Variants in TMPRSS15 observed in about 807,000 individuals in gnomAD.
TMPRSS15 encodes transmembrane serine protease 15, also known as enteropeptidase.
TMPRSS15 carries 128 observed loss-of-function variants against 125.3 expected under a neutral mutation model. That is an observed-to-expected ratio of 1.02 (90% CI 0.89 to 1.18). The LOEUF is 1.18. Among genes scored for constraint, TMPRSS15 ranks in the 50% most tolerant of loss-of-function variants. TMPRSS15 has a pLI of 0.00. For synonymous variants in TMPRSS15, 446 were observed against 423.2 expected (o/e 1.05, Z -0.66); for missense variants, 1,283 against 1,212.7 (o/e 1.06, Z -0.86).
At chr21:18,343,434 C>A in intron 12 of TMPRSS15, 72 bp downstream of exon 12, 6 of 1,335,124 alleles carry the variant, frequency 4.5e-6, no homozygotes. Context: ...AATTTTTTCA[C>A]TGTATCATTC....
At chr21:18,419,621 T>C (rs987155717) in intron 1 of TMPRSS15, among the ~76,000 whole-genome samples, 2 of 152,166 alleles carry the variant, frequency 1.3e-5, no homozygotes, top group Non-Finnish European at 2.9e-5. Flanking sequence ...ATTGCAATTC[T>C]TGCTTTCCTC....
At chr21:18,437,766 C>G (rs1459588494) in intron 1 of TMPRSS15, among the ~76,000 whole-genome samples, 1 of 152,114 alleles carries the variant, frequency 6.6e-6, no homozygotes, top group Non-Finnish European at 1.5e-5. Context: ...CGAATCAAAA[C>G]CACAATGAGA....
At chr21:18,433,271 T>C (rs2076220153) in intron 1 of TMPRSS15, among the ~76,000 whole-genome samples, 1 of 152,080 alleles carries the variant, frequency 6.6e-6, no homozygotes, top group Admixed American at 6.6e-5. Flanking sequence ...TGAGAATAAC[T>C]CAGGAACAGC....
At chr21:18,471,992 T>C (rs572578884) in intron 1 of TMPRSS15, among the ~76,000 whole-genome samples, 1 of 152,200 alleles carries the variant, frequency 6.6e-6, no homozygotes, top group African/African-American at 2.4e-5. Flanking sequence ...GCAAACTGAT[T>C]AAATGGAAAG....
rs80175169 is a variant in TMPRSS15 at position 18,482,985 on chromosome 21, T to A, written c.10+2814A>T. ...TGCTTCCATTCTTTTAGATTATTGTTAAATTACTGGGTCCCAGGTGCAAGG... is the reference window on the plus strand; with the variant it reads ...TGCTTCCATTCTTTTAGATTATTGTAAAATTACTGGGTCCCAGGTGCAAGG... On this transcript the variant is annotated intron_variant, in intron 1 of 7. Transcript: ENST00000422787. Among the ~76,000 whole-genome samples the A allele has an allele frequency of 3.8e-3, 577 of 151,888 alleles. 6 individuals carry two copies. Among genetic ancestry groups the A allele is most frequent in the African/African-American group, 0.013 (547 of 41,508 alleles).
chr21:18,344,075 A>G lies in TMPRSS15; in HGVS notation c.1172-15T>C, dbSNP rs755723716. 2.5e-6 allele frequency: 4 copies of G among 1,599,540 alleles called. No homozygotes were observed. In the African/African-American group the frequency reaches 4.0e-5, roughly 16 times the overall value. On this transcript the variant is annotated splice_polypyrimidine_tract_variant and intron_variant, in intron 10 of 24. Transcript: ENST00000284885. ...AATGTAAAATCCTGTAAAAATATCA[A>G]AAAAAATTTATTTCACTTAAATATT...
intron 7 of TMPRSS15, among the ~76,000 whole-genome samples, 166 bp downstream of exon 7, chr21:18,364,974 G>A (rs1240511806): frequency 6.6e-6 from 1 of 152,132 alleles, no homozygotes; most frequent in Non-Finnish European, 1.5e-5. Context: ...TTTTTAAAAG[G>A]TTAAAAATGA....
At chr21:18,474,163 G>T (rs953564200) in intron 1 of TMPRSS15, among the ~76,000 whole-genome samples, 4 of 151,912 alleles carry the variant, frequency 2.6e-5, no homozygotes, top group Non-Finnish European at 4.4e-5. Flanking sequence ...ATCTCTGTAT[G>T]TGGGTATTCC....
chr21:18,398,423 G>T (rs975004472), intron 1 of TMPRSS15, 94 bp from the exon 2 acceptor site: 2 of 1,314,900 alleles, frequency 1.5e-6, no homozygotes, highest in Non-Finnish European at 2.2e-6. Flanking sequence ...TAAAGCTCTC[G>T]CCTGATGTGT....
rs2074528095 is a variant in TMPRSS15 at position 18,269,488 on chromosome 21, G to T, written c.*481C>A. On this transcript the variant is annotated 3_prime_UTR_variant, in exon 25 of 25. Transcript: ENST00000284885. ...ATATGTTGAAAATTTTGATAGAAAA[G>T]ACAGAGAAACAATTGAGTTTCTGCT... 1 of 157,470 alleles carries T rather than the reference G, an allele frequency of 6.4e-6. No individual in the cohort carries two copies. The highest frequency in any genetic ancestry group is 2.4e-5 in the African/African-American group (1 of 41,458). The allele number at this position is 157,470 out of a possible 1,614,324, so 9.8% of individuals were successfully genotyped here.
intron 1 of TMPRSS15, among the ~76,000 whole-genome samples, chr21:18,418,899 G>A (rs1170447258): frequency 6.6e-6 from 1 of 152,244 alleles, no homozygotes; most frequent in Non-Finnish European, 1.5e-5. Flanking sequence ...TTATGGGATT[G>A]CCTCATTAAA....
intron 3 of TMPRSS15, among the ~76,000 whole-genome samples, chr21:18,387,610 C>T (rs1430191600): frequency 1.0e-5 from 1 of 98,928 alleles, no homozygotes; most frequent in Non-Finnish European, 2.0e-5. Flanking sequence ...CACACACACA[C>T]ATACACACAC....
At chr21:18,334,458 G>C (rs2075372916) in intron 13 of TMPRSS15, among the ~76,000 whole-genome samples, 1 of 152,134 alleles carries the variant, frequency 6.6e-6, no homozygotes, top group African/African-American at 2.4e-5. Flanking sequence ...GGATTTGTTG[G>C]AGCTGGTGGA....
At chr21:18,453,199 G>GA (rs1254897936) in intron 1 of TMPRSS15, among the ~76,000 whole-genome samples, 10 of 152,138 alleles carry the variant, frequency 6.6e-5, no homozygotes, top group South Asian at 6.2e-4. Flanking sequence ...CCTCTAAGTT[G>GA]AAAACTACCA....
intron 1 of TMPRSS15, among the ~76,000 whole-genome samples, chr21:18,471,130 A>G (rs536003934): frequency 1.3e-5 from 2 of 152,186 alleles, no homozygotes; most frequent in East Asian, 3.9e-4. Context: ...CCAAAGGCAG[A>G]AATTTGGGGT....
intron 1 of TMPRSS15, among the ~76,000 whole-genome samples, chr21:18,424,631 T>A (rs1303571826): frequency 1.3e-5 from 2 of 152,132 alleles, no homozygotes; most frequent in Non-Finnish European, 2.9e-5. Flanking sequence ...TAATGCCAAC[T>A]CTGCAGATTC....
At chr21:18,423,607 C>T (rs1246463353) in intron 1 of TMPRSS15, among the ~76,000 whole-genome samples, 1 of 150,544 alleles carries the variant, frequency 6.6e-6, no homozygotes, top group Non-Finnish European at 1.5e-5. Flanking sequence ...TTAGTAGAGA[C>T]GGGGTTTCAC....
rs2074521617 is a variant in TMPRSS15, at chr21:18,269,125, T to C, written c.*844A>G. 1 of 152,218 alleles carries C rather than the reference T, an allele frequency of 6.6e-6. No individual in the cohort carries two copies. The highest frequency in any genetic ancestry group is 2.1e-4 in the South Asian group (1 of 4,834). The allele number at this position is 152,218 out of a possible 1,614,324, so 9.4% of individuals were successfully genotyped here. On this transcript the variant is annotated 3_prime_UTR_variant, in exon 25 of 25. Transcript: ENST00000284885. The stretch of plus-strand genomic sequence containing the variant: ...CAAGGGATTAAACAAGTGAAGCAAA[T>C]TCATTTATTACACATATTTGACCTT...
At chr21:18,469,423 A>G (rs1412401701) in intron 1 of TMPRSS15, among the ~76,000 whole-genome samples, 1 of 152,140 alleles carries the variant, frequency 6.6e-6, no homozygotes, top group African/African-American at 2.4e-5. Context: ...GAATTACCTA[A>G]ATTATTAATA....
Sources: allele counts gnomAD v4.1 joint callset (sites outside exome capture counted in the v4.1 genomes callset), GRCh38; gene constraint gnomAD v4.1.1; transcripts MANE v1.5; gene names NCBI Gene and HGNC (gene_info 2026-07-23, HGNC 2026-07-21).